Variants in CPS1 observed in about 807,000 individuals in gnomAD.
CPS1 encodes the protein carbamoyl-phosphate synthase [ammonia], mitochondrial.
Under a neutral mutation model 174.6 loss-of-function variants are expected in CPS1, and 109 were observed. The observed-to-expected ratio is 0.62, with a 90% confidence interval of 0.53 to 0.73. The LOEUF (loss-of-function observed/expected upper bound fraction) is 0.73. CPS1 is among the 30% of genes least tolerant of loss of function. The pLI, the probability that CPS1 is intolerant of heterozygous loss-of-function variation, is 0.00. For synonymous variants in CPS1, 637 were observed against 632.0 expected (o/e 1.01, Z -0.12); for missense variants, 1,689 against 1,821.9 (o/e 0.93, Z 1.33).
At chr2:210,511,155 G>C (rs1053928981) in intron 1 of CPS1, among the ~76,000 whole-genome samples, 2 of 152,260 alleles carry the variant, frequency 1.3e-5, no homozygotes, top group South Asian at 2.1e-4. Flanking sequence ...TGATAGACTG[G>C]ATTAAGAAAA....
At chr2:210,494,842 A>G (rs1442976369) in intron 1 of CPS1, among the ~76,000 whole-genome samples, 1 of 152,204 alleles carries the variant, frequency 6.6e-6, no homozygotes, top group Non-Finnish European at 1.5e-5. Context: ...GGAGTCTGCC[A>G]TGGTTGCTGG....
intron 34 of CPS1, chr2:210,673,241 A>G (rs1265594181): frequency 6.6e-6 from 1 of 152,236 alleles, no homozygotes; most frequent in Non-Finnish European, 1.5e-5. Flanking sequence ...GTGATTTTAA[A>G]TACGCCAGCT....
chr2:210,556,479 A>T, upstream of CPS1: 1 of 968,144 alleles, frequency 1.0e-6, no homozygotes, highest in Non-Finnish European at 1.5e-6. Flanking sequence ...GTAGTATTTG[A>T]TGTGTTGCAA....
At chr2:210,638,661 A>G (rs138663423) in intron 22 of CPS1, among the ~76,000 whole-genome samples, 24 of 152,260 alleles carry the variant, frequency 1.6e-4, no homozygotes, top group Non-Finnish European at 3.1e-4. Context: ...TGATTTCCAA[A>G]TATGTTCAAT....
chr2:210,663,004 T>G, intron 32 of CPS1, 119 bp from the exon 33 acceptor site: 1 of 964,736 alleles, frequency 1.0e-6, no homozygotes, highest in Non-Finnish European at 1.6e-6. Flanking sequence ...TTTTTACATG[T>G]CTACTGTAGC....
At chr2:210,489,586 C>A (rs559808517) in intron 1 of CPS1, among the ~76,000 whole-genome samples, 1 of 152,104 alleles carries the variant, frequency 6.6e-6, no homozygotes, top group East Asian at 1.9e-4. Flanking sequence ...ATTTGGAGGT[C>A]ACAGGAGCAA....
chr2:210,608,095 G>T (rs971332317), intron 18 of CPS1, among the ~76,000 whole-genome samples: 4 of 151,810 alleles, frequency 2.6e-5, no homozygotes, highest in African/African-American at 7.3e-5. Context: ...ATCGATTTTG[G>T]GTTGAAGAGG....
intron 25 of CPS1, among the ~76,000 whole-genome samples, chr2:210,645,204 G>A (rs1017400549): frequency 2.6e-5 from 4 of 152,010 alleles, no homozygotes; most frequent in Admixed American, 1.3e-4. Context: ...AAACCTGCAC[G>A]ACACCATCAC....
intron 1 of CPS1, among the ~76,000 whole-genome samples, chr2:210,557,284 T>G (rs1252621471): frequency 6.6e-6 from 1 of 152,132 alleles, no homozygotes; most frequent in Non-Finnish European, 1.5e-5. Flanking sequence ...AAGTTCTCTT[T>G]TGAAATATCA....
Position 210,647,846 on chromosome 2 carries a change from G to T in CPS1, c.3142-17G>T. On this transcript the variant is annotated splice_polypyrimidine_tract_variant and intron_variant, in intron 25 of 37. Transcript: ENST00000233072. ...TGAAGTTATTCCAATGGCTGATATTGTGAGTGTATTTTCCAGGCATGTGGT... is the reference window on the plus strand; with the variant it reads ...TGAAGTTATTCCAATGGCTGATATTTTGAGTGTATTTTCCAGGCATGTGGT... The T allele has an allele frequency of 1.2e-6, 2 of 1,613,516 alleles. No homozygotes were observed. Among genetic ancestry groups the T allele is most frequent in the Non-Finnish European group, 1.7e-6 (2 of 1,179,564 alleles).
intron 7 of CPS1, 77 bp from the exon 8 acceptor site, chr2:210,590,029 A>G: frequency 6.3e-7 from 1 of 1,583,958 alleles, no homozygotes; most frequent in South Asian, 1.1e-5. Context: ...ATGGTTAGTC[A>G]AGAGAAAGTC....
Position 210,600,427 on chromosome 2 carries a change from C to T in CPS1, c.1550-128C>T, listed in dbSNP as rs1299935374. 3 of 842,142 alleles carry T rather than the reference C, an allele frequency of 3.6e-6. No individual in the cohort carries two copies. In the African/African-American group the frequency reaches 5.2e-5, roughly 15 times the overall value. The allele number at this position is 842,142 out of a possible 1,614,324, so 52.2% of individuals were successfully genotyped here. A position where few individuals can be genotyped will look rare whatever the true frequency, so the allele number is the denominator to read the frequency against. On this transcript the variant is annotated intron_variant, in intron 14 of 37. Transcript: ENST00000233072. ...TTATTTCAATTTTTTTCCCTAAGTGCAATTCTATTGTAGACAGTGGTAACT... is the reference window on the plus strand; with the variant it reads ...TTATTTCAATTTTTTTCCCTAAGTGTAATTCTATTGTAGACAGTGGTAACT...
intron 21 of CPS1, chr2:210,619,790 A>G (rs1445083482): frequency 6.6e-6 from 1 of 152,088 alleles, no homozygotes; most frequent in Non-Finnish European, 1.5e-5. Context: ...ATAGCAGAGG[A>G]TGAGCATATC....
At chr2:210,528,116 G>A (rs370369261) in intron 1 of CPS1, among the ~76,000 whole-genome samples, 3 of 151,738 alleles carry the variant, frequency 2.0e-5, no homozygotes, top group African/African-American at 7.3e-5. Context: ...CCTGTTTGTG[G>A]AGACTTGAAG....
chr2:210,505,776 G>C (rs1257756444), intron 1 of CPS1, among the ~76,000 whole-genome samples: 1 of 152,210 alleles, frequency 6.6e-6, no homozygotes, highest in East Asian at 1.9e-4. Context: ...TATGCCCACG[G>C]AGACTTGCTC....
At chr2:210,540,937 A>T (rs1286449018) in intron 1 of CPS1, among the ~76,000 whole-genome samples, 1 of 152,176 alleles carries the variant, frequency 6.6e-6, no homozygotes, top group East Asian at 1.9e-4. Context: ...TTCCTTAGTT[A>T]GCTTAGTTTA....
chr2:210,647,953 A>T lies in CPS1; in HGVS notation c.3232A>T (p.Thr1078Ser), dbSNP rs753686146. Residue 1078 changes from threonine to serine, a missense_variant, in exon 26 of 38, where the codon ACA (threonine) becomes TCA (serine). Physicochemically the swap from Thr to Ser is moderately conservative, Grantham distance 58. Transcript: ENST00000233072. ...LYKNGVKIMG[T>S]SPLQIDRAED... The stretch of plus-strand genomic sequence containing the variant: ...CAAGAATGGTGTCAAGATCATGGGC[A>T]CAAGCCCCCTGCAGATCGACAGGGC... 1.2e-6 allele frequency: 2 copies of T among 1,614,104 alleles called. No individual in the cohort carries two copies. Among genetic ancestry groups the T allele is most frequent in the Non-Finnish European group, 8.5e-7 (1 of 1,179,962 alleles).
At chr2:210,637,968 C>T (rs1452542898) in intron 22 of CPS1, 125 bp downstream of exon 22, 7 of 1,058,272 alleles carry the variant, frequency 6.6e-6, no homozygotes, top group Non-Finnish European at 1.0e-5. Flanking sequence ...CAATACTCAT[C>T]CGGTTGATGC....
chr2:210,636,849 A>G (rs1700055512), intron 21 of CPS1, among the ~76,000 whole-genome samples: 1 of 152,222 alleles, frequency 6.6e-6, no homozygotes, highest in Admixed American at 6.5e-5. Flanking sequence ...GAGAAACAAC[A>G]CAAATAAAGT....
Sources: gnomAD v4.1 joint callset for allele counts (sites outside exome capture counted in the v4.1 genomes callset) on GRCh38, gnomAD v4.1.1 for gene constraint, MANE v1.5 for transcripts, NCBI Gene and HGNC (gene_info 2026-07-23, HGNC 2026-07-21) for gene names.